GPHN: variants seen among roughly 807,000 people sequenced by gnomAD.
GPHN encodes the protein gephyrin.
A neutral mutation model predicts 95.5 loss-of-function variants in GPHN; 17 were observed. The ratio of observed to expected loss-of-function variants is 0.18; its 90% CI spans 0.12 to 0.27. GPHN has a LOEUF of 0.27. GPHN is among the 10% of genes least tolerant of loss of function. The pLI is 1.00. For synonymous variants in GPHN, 320 were observed against 322.5 expected, an observed-to-expected ratio of 0.99 and a Z score of 0.08; for missense variants, 660 against 978.1, an observed-to-expected ratio of 0.67 and a Z score of 4.34.
chr14:67,193,339 TATCTATCTATATAGAGATATATA>T, the GPHN span, among the ~76,000 whole-genome samples: 3 of 135,626 alleles, frequency 2.2e-5, no homozygotes, highest in African/African-American at 2.6e-5. Flanking sequence ...TCTATATAGA[TATCTATCTATATAGAGATATATA>T]ATCTATCTAT....
chr14:66,969,066 A>G (rs1204033667), intron 9 of GPHN: 1 of 152,128 alleles, frequency 6.6e-6, no homozygotes, highest in Non-Finnish European at 1.5e-5. Context: ...GAAGATAACC[A>G]TGTATTATCT....
intron 3 of GPHN, among the ~76,000 whole-genome samples, chr14:66,789,820 G>A (rs967675435): frequency 4.6e-5 from 7 of 152,262 alleles, no homozygotes; most frequent in Middle Eastern, 3.4e-3. Flanking sequence ...TAATCCAAAC[G>A]TGCAGAGAGC....
At chr14:66,721,768 T>A (rs994768634) in intron 2 of GPHN, among the ~76,000 whole-genome samples, 1 of 151,936 alleles carries the variant, frequency 6.6e-6, no homozygotes, top group Non-Finnish European at 1.5e-5. Flanking sequence ...CTGGCCAACA[T>A]GATGAAACCT....
rs186680926 is a variant in GPHN at position 67,120,642 on chromosome 14, C to T, written c.1627-1614C>T. Among the ~76,000 whole-genome samples, 245 of 152,316 alleles carry T rather than the reference C, an allele frequency of 1.6e-3. 1 individual carries two copies. Among genetic ancestry groups the T allele is most frequent in the Middle Eastern group, 3.4e-3 (1 of 294 alleles). ...CTTTGAAAAAAATGATATAATCACACATTTTTCTTTCTAAAGCAACTAGTT... is the reference window on the plus strand; with the variant it reads ...CTTTGAAAAAAATGATATAATCACATATTTTTCTTTCTAAAGCAACTAGTT... On this transcript the variant is annotated intron_variant, in intron 16 of 22. Transcript: ENST00000478722.
chr14:66,965,693 A>G (rs1398315495), intron 9 of GPHN, among the ~76,000 whole-genome samples: 2 of 152,190 alleles, frequency 1.3e-5, no homozygotes, highest in Non-Finnish European at 2.9e-5. Flanking sequence ...GATTAACAAA[A>G]TTGTGTCACC....
the GPHN span, chr14:67,571,953 C>T: frequency 1.3e-6 from 2 of 1,556,212 alleles, no homozygotes; most frequent in African/African-American, 2.7e-5. Flanking sequence ...AGCCCCTCAC[C>T]TCTTCCCATG....
intron 1 of GPHN, among the ~76,000 whole-genome samples, chr14:66,511,866 A>G (rs1188522674): frequency 1.3e-5 from 2 of 152,028 alleles, no homozygotes; most frequent in East Asian, 1.9e-4. Context: ...GAAAATGAGA[A>G]CATATATGTA....
At chr14:66,728,126 C>T (rs915712372) in intron 2 of GPHN, among the ~76,000 whole-genome samples, 1 of 152,130 alleles carries the variant, frequency 6.6e-6, no homozygotes, top group African/African-American at 2.4e-5. Flanking sequence ...TTGGCAGCTT[C>T]TACATGATGT....
chr14:66,851,026 G>T lies in GPHN; in HGVS notation c.294+26460G>T, dbSNP rs576217249. On this transcript the variant is annotated intron_variant, in intron 4 of 22. Coordinates refer to ENST00000478722, the MANE Select transcript of GPHN (RefSeq NM_020806.5). ...GTAATTTTATGTGTGATAAATATAT[G>T]ACATATTTAGGAACAAAAATTCTGC... Among the ~76,000 whole-genome samples the T allele has an allele frequency of 5.5e-4, 83 of 151,850 alleles. 1 individual carries two copies. The highest frequency in any genetic ancestry group is 3.1e-3 in the Admixed American group (48 of 15,244).
chr14:67,688,747 T>C, the GPHN span, among the ~76,000 whole-genome samples: 1 of 152,126 alleles, frequency 6.6e-6, no homozygotes, highest in African/African-American at 2.4e-5. Flanking sequence ...TATTTGAGCT[T>C]TTTACAATGA....
intron 3 of GPHN, among the ~76,000 whole-genome samples, chr14:66,815,378 G>A (rs72728675): frequency 0.044 from 6,699 of 152,206 alleles, 189 homozygotes; most frequent in Middle Eastern, 0.068. Context: ...ATTCTCCCAA[G>A]TAAAAATGAA....
At chr14:66,634,768 A>G (rs888998923) in intron 1 of GPHN, among the ~76,000 whole-genome samples, 2 of 152,148 alleles carry the variant, frequency 1.3e-5, no homozygotes, top group African/African-American at 2.4e-5. Flanking sequence ...AAAATTAAAT[A>G]TTAAGAGCCT....
chr14:67,068,836 T>C (rs567568977), intron 11 of GPHN, among the ~76,000 whole-genome samples: 2 of 152,294 alleles, frequency 1.3e-5, no homozygotes, highest in East Asian at 3.9e-4. Flanking sequence ...TGTTCCCGTC[T>C]CTGACTTCTA....
chr14:67,312,593 G>C, the GPHN span: 1 of 1,613,658 alleles, frequency 6.2e-7, no homozygotes, highest in Non-Finnish European at 8.5e-7. Context: ...TCGAGAGTTA[G>C]GTCTGTCTTT....
the GPHN span, among the ~76,000 whole-genome samples, chr14:67,486,706 A>T: frequency 6.6e-6 from 1 of 151,946 alleles, no homozygotes; most frequent in African/African-American, 2.4e-5. Context: ...CGTGGAATTA[A>T]CCCTCTTTTT....
At chr14:67,261,954 G>C in the GPHN span, among the ~76,000 whole-genome samples, 1 of 152,086 alleles carries the variant, frequency 6.6e-6, no homozygotes, top group Non-Finnish European at 1.5e-5. Flanking sequence ...AAAAAAGGAT[G>C]GGATTTTGAA....
chr14:67,439,567 TTCTTTCTTTCTTTCTTTC>T, the GPHN span, among the ~76,000 whole-genome samples: 2 of 125,708 alleles, frequency 1.6e-5, no homozygotes, highest in African/African-American at 8.5e-5. Context: ...CTTTCTTTCT[TTCTTTCTTTCTTTCTTTC>T]TTTCTTTCTT....
chr14:67,565,006 T>G, the GPHN span, among the ~76,000 whole-genome samples: 1 of 152,150 alleles, frequency 6.6e-6, no homozygotes. Flanking sequence ...CCTGACATTT[T>G]CCATGATAAA....
intron 1 of GPHN, among the ~76,000 whole-genome samples, chr14:66,588,192 A>T (rs1440131880): frequency 1.3e-5 from 2 of 152,126 alleles, no homozygotes; most frequent in Non-Finnish European, 2.9e-5. Context: ...GAATAGCATC[A>T]ACATCAACAA....
Sources: allele counts gnomAD v4.1 joint callset (sites outside exome capture counted in the v4.1 genomes callset), GRCh38; gene constraint gnomAD v4.1.1; transcripts MANE v1.5; gene names NCBI Gene and HGNC (gene_info 2026-07-23, HGNC 2026-07-21).